The following CCDC28A variants were observed in gnomAD, a reference collection of about 807,000 sequenced individuals.
The protein encoded by CCDC28A is coiled-coil domain containing 28A.
Under a neutral mutation model 22.1 loss-of-function variants are expected in CCDC28A, and 24 were observed. The observed-to-expected ratio is 1.09, with a 90% CI of 0.79 to 1.53. CCDC28A has a LOEUF of 1.53. Among genes scored for constraint, CCDC28A ranks in the 40% most tolerant of loss-of-function variants. The pLI is 0.00. For missense variants in CCDC28A, 170 were observed against 210.7 expected, an observed-to-expected ratio of 0.81 and a Z score of 1.20; for synonymous variants, 83 against 74.7, an observed-to-expected ratio of 1.11 and a Z score of -0.57.
chr6:138,792,754 A>G lies in CCDC28A; in HGVS notation c.506A>G (p.Lys169Arg). The change falls in exon 6 of 6, where the codon AAA becomes AGA. Residue 169 changes from lysine to arginine, a missense_variant. Transcript: ENST00000617445. ...DLEELNSSIQ[K>R]LHLADAQDVP... ...TTCTTAACTGATTAATTCAGACAAA[A>G]ACTCCATTTGGCAGATGCACAAGAT... 6.2e-7 allele frequency: 1 copy of G among 1,602,244 alleles called. No homozygotes were observed.
intron 5 of CCDC28A, among the ~76,000 whole-genome samples, chr6:138,792,026 C>T (rs557815295): frequency 2.6e-5 from 4 of 152,256 alleles, no homozygotes; most frequent in African/African-American, 7.2e-5. Context: ...GCAAGATTCC[C>T]GTCCTATTTC....
chr6:138,787,191 T>C (rs1199895381), intron 4 of CCDC28A, among the ~76,000 whole-genome samples: 3 of 152,284 alleles, frequency 2.0e-5, no homozygotes, highest in Non-Finnish European at 4.4e-5. Context: ...AAATCTTAAC[T>C]TAGAAGGTGA....
rs369287588 is a variant in CCDC28A, at chr6:138,785,430, G to A, written c.477+49G>A. On this transcript the variant is annotated intron_variant, in intron 4 of 5. Transcript: ENST00000617445. ...TTCTTTAAAAAAAAATTTTTGTTGC[G>A]AAAAAATGTACCTTTTGAACTATTT... 9.1e-5 allele frequency: 126 copies of A among 1,384,288 alleles called. No individual in the cohort carries two copies. In the African/African-American group the frequency reaches 1.4e-3, roughly 16 times the overall value. 85.8% of individuals were successfully genotyped at this position (1,384,288 alleles called of 1,614,324 possible).
At chr6:138,778,324 C>G (rs1432467771) in intron 2 of CCDC28A, among the ~76,000 whole-genome samples, 3 of 152,148 alleles carry the variant, frequency 2.0e-5, no homozygotes, top group Non-Finnish European at 4.4e-5. Context: ...TACTCTTTCT[C>G]CCATTTTGCC....
At position 138,793,130 on chromosome 6, in the gene CCDC28A, A is replaced by G; in HGVS notation, c.*327A>G. 1 of 272,874 alleles carries G rather than the reference A, an allele frequency of 3.7e-6. No homozygotes were observed. Among genetic ancestry groups the G allele is most frequent in the Non-Finnish European group, 7.1e-6 (1 of 141,488 alleles). 16.9% of individuals were successfully genotyped at this position (272,874 alleles called of 1,614,324 possible). A position where few individuals can be genotyped will look rare whatever the true frequency, so the allele number is the denominator to read the frequency against. ...AGGGCGGAGGGATTTCTCTTTCCTGAGCTCACCAAACTTATTCCAGTGTTG... is the reference window on the plus strand; with the variant it reads ...AGGGCGGAGGGATTTCTCTTTCCTGGGCTCACCAAACTTATTCCAGTGTTG... On this transcript the variant is annotated 3_prime_UTR_variant, in exon 6 of 6. Transcript: ENST00000617445.
At chr6:138,788,502 G>A (rs777064532) in intron 5 of CCDC28A, 114 bp downstream of exon 5, 9 of 487,170 alleles carry the variant, frequency 1.8e-5, no homozygotes, top group East Asian at 3.3e-5. Context: ...AAAAAGACAC[G>A]TAGTATTATT....
chr6:138,790,985 A>G (rs1415846322), intron 5 of CCDC28A, among the ~76,000 whole-genome samples: 1 of 152,222 alleles, frequency 6.6e-6, no homozygotes, highest in African/African-American at 2.4e-5. Context: ...ACTGTTCAAT[A>G]TAGTAGCCAC....
chr6:138,787,558 G>T (rs915253347), intron 4 of CCDC28A, among the ~76,000 whole-genome samples: 2 of 152,068 alleles, frequency 1.3e-5, no homozygotes, highest in Admixed American at 6.6e-5. Context: ...ATCTATGATG[G>T]TTTTAAAGAT....
At chr6:138,789,596 G>T (rs145104869) in intron 5 of CCDC28A, among the ~76,000 whole-genome samples, 2 of 152,074 alleles carry the variant, frequency 1.3e-5, no homozygotes, top group African/African-American at 4.8e-5. Context: ...AGGCTGAGGC[G>T]GGTGGATCAC....
intron 1 of CCDC28A, among the ~76,000 whole-genome samples, 190 bp from the exon 2 acceptor site, chr6:138,775,889 C>G (rs1774923292): frequency 6.6e-6 from 1 of 151,930 alleles, no homozygotes; most frequent in Non-Finnish European, 1.5e-5. Context: ...AAACTGTCTA[C>G]CAGACAATTT....
chr6:138,776,210 A>G lies in CCDC28A; in HGVS notation c.90A>G (p.Pro30=). The change falls in exon 2 of 6, where the codon CCA becomes CCG. Residue 30 remains proline (P), a synonymous_variant. Transcript: ENST00000617445. ...TCAATGCCAAAAAAAATGCCATTCC[A>G]GTGAGTAAAAGCACAGGGTTTTCAA... ...QVVNAKKNAI[P]VSKSTGFSNP... 6.2e-7 allele frequency: 1 copy of G among 1,614,146 alleles called. No individual in the cohort carries two copies. Among genetic ancestry groups the G allele is most frequent in the South Asian group, 1.1e-5 (1 of 91,082 alleles).
chr6:138,791,839 A>G (rs1435836395), intron 5 of CCDC28A, among the ~76,000 whole-genome samples: 4 of 152,234 alleles, frequency 2.6e-5, no homozygotes, highest in Non-Finnish European at 5.9e-5. Context: ...CTTTGATGGC[A>G]GTGCTTATGT....
Position 138,792,846 on chromosome 6 carries a change from C to T in CCDC28A, c.*43C>T, listed in dbSNP as rs1428606081. On this transcript the variant is annotated 3_prime_UTR_variant, in exon 6 of 6. Transcript: ENST00000617445. ...TTTCTTGTGATTTGAAGAGAAGCAG[C>T]AGTCTTTACTTTTCCAGCCAAATCC... 1.1e-5 allele frequency: 15 copies of T among 1,357,884 alleles called. No homozygotes were observed. The highest frequency in any genetic ancestry group is 7.0e-5 in the Admixed American group (4 of 57,320). The allele number at this position is 1,357,884 out of a possible 1,614,324, so 84.1% of individuals were successfully genotyped here.
chr6:138,791,326 C>G (rs183566781), intron 5 of CCDC28A, among the ~76,000 whole-genome samples: 2 of 152,134 alleles, frequency 1.3e-5, no homozygotes, highest in Non-Finnish European at 2.9e-5. Flanking sequence ...AAGCAGTCCT[C>G]CTGCCTCAGC....
At chr6:138,786,636 A>G (rs1307065132) in intron 4 of CCDC28A, among the ~76,000 whole-genome samples, 1 of 151,894 alleles carries the variant, frequency 6.6e-6, no homozygotes, top group Admixed American at 6.6e-5. Context: ...TTTTTTTGAG[A>G]CAGGGACTCA....
intron 5 of CCDC28A, among the ~76,000 whole-genome samples, chr6:138,792,526 A>C (rs1051173147): frequency 1.8e-4 from 26 of 147,716 alleles, no homozygotes; most frequent in African/African-American, 6.5e-4. Flanking sequence ...TATCTCTAAA[A>C]TTTAAAAAAA....
rs1774932551 is a variant in CCDC28A, at chr6:138,776,225, A to C, written c.105A>C (p.Thr35=). The change falls in exon 2 of 6, where the codon ACA becomes ACC. Residue 35 remains threonine, a synonymous_variant. Coordinates refer to ENST00000617445, the MANE Select transcript of CCDC28A (RefSeq NM_015439.3). ...KKNAIPVSKS[T]GFSNPASQST... ...ATGCCATTCCAGTGAGTAAAAGCAC[A>C]GGGTTTTCAAATCCTGCATCACAGT... 3.7e-6 allele frequency: 6 copies of C among 1,614,152 alleles called. No individual in the cohort carries two copies. The highest frequency in any genetic ancestry group is 5.1e-6 in the Non-Finnish European group (6 of 1,179,994).
intron 2 of CCDC28A, among the ~76,000 whole-genome samples, chr6:138,777,461 A>C (rs1277701064): frequency 6.6e-6 from 1 of 152,232 alleles, no homozygotes; most frequent in African/African-American, 2.4e-5. Flanking sequence ...GAAAACGAAG[A>C]GATTTTAAAA....
intron 5 of CCDC28A, among the ~76,000 whole-genome samples, chr6:138,790,017 A>C (rs1775146854): frequency 6.6e-6 from 1 of 152,226 alleles, no homozygotes; most frequent in African/African-American, 2.4e-5. Context: ...TTGTCAAGAA[A>C]GAGTTAAAGA....
Sources: gnomAD v4.1 joint callset for allele counts (sites outside exome capture counted in the v4.1 genomes callset) on GRCh38, gnomAD v4.1.1 for gene constraint, MANE v1.5 for transcripts, NCBI Gene and HGNC (gene_info 2026-07-23, HGNC 2026-07-21) for gene names.